Variants in PARD3B observed in about 807,000 individuals in gnomAD.
PARD3B encodes the protein par-3 family cell polarity regulator beta.
In PARD3B, 103 loss-of-function variants were observed where a neutral mutation model predicts 130.2. The observed-to-expected ratio is 0.79, with a 90% CI of 0.67 to 0.93. The LOEUF (loss-of-function observed/expected upper bound fraction) is 0.93. Ranked by LOEUF, PARD3B falls within the 40% of genes least tolerant of loss-of-function variation. PARD3B has a pLI of 0.00. For synonymous variants in PARD3B, 583 were observed against 553.2 expected, an observed-to-expected ratio of 1.05 and a Z score of -0.76; for missense variants, 1,609 against 1,499.2, an observed-to-expected ratio of 1.07 and a Z score of -1.21.
chr2:205,527,777 T>C (rs2051403544), intron 21 of PARD3B, among the ~76,000 whole-genome samples: 1 of 152,180 alleles, frequency 6.6e-6, no homozygotes, highest in Non-Finnish European at 1.5e-5. Context: ...GGCAGCATTG[T>C]TTCTAGGTCT....
chr2:204,574,291 G>A (rs1420403991), intron 1 of PARD3B, among the ~76,000 whole-genome samples: 1 of 152,136 alleles, frequency 6.6e-6, no homozygotes, highest in Non-Finnish European at 1.5e-5. Flanking sequence ...AAGAAATTAT[G>A]ACAAAGTTTT....
At chr2:204,729,712 A>T (rs2039401206) in intron 2 of PARD3B, among the ~76,000 whole-genome samples, 1 of 152,098 alleles carries the variant, frequency 6.6e-6, no homozygotes, top group Non-Finnish European at 1.5e-5. Flanking sequence ...CTCATTTTTT[A>T]AATCATTAGA....
At chr2:205,171,304 G>A (rs1434768683) in intron 11 of PARD3B, among the ~76,000 whole-genome samples, 1 of 152,134 alleles carries the variant, frequency 6.6e-6, no homozygotes, top group East Asian at 1.9e-4. Context: ...CTTTGCTCCT[G>A]GGCTGCCTTT....
At chr2:205,169,052 T>C (rs2125739980) in intron 11 of PARD3B, among the ~76,000 whole-genome samples, 2 of 152,236 alleles carry the variant, frequency 1.3e-5, no homozygotes, top group South Asian at 4.2e-4. Context: ...ACGGAAGAGG[T>C]TGGATGAGAT....
intron 18 of PARD3B, among the ~76,000 whole-genome samples, chr2:205,308,604 C>A (rs548172085): frequency 5.6e-3 from 637 of 113,174 alleles, no homozygotes; most frequent in South Asian, 7.3e-3. Context: ...GACTCCGTCT[C>A]AAAAAAAAAA....
intron 4 of PARD3B, among the ~76,000 whole-genome samples, chr2:205,093,237 A>G (rs1387188598): frequency 6.6e-6 from 1 of 152,156 alleles, no homozygotes; most frequent in African/African-American, 2.4e-5. Context: ...CCCTTTAAGG[A>G]AAAGGAACAG....
chr2:204,585,104 AG>A (rs1480125115), intron 1 of PARD3B, among the ~76,000 whole-genome samples: 1 of 152,130 alleles, frequency 6.6e-6, no homozygotes, highest in Admixed American at 6.5e-5. Flanking sequence ...TGCCACCTGA[AG>A]TGCATGTGTT....
chr2:204,771,736 C>G (rs1335060504), intron 2 of PARD3B, among the ~76,000 whole-genome samples: 1 of 152,086 alleles, frequency 6.6e-6, no homozygotes, highest in Non-Finnish European at 1.5e-5. Flanking sequence ...TCTTTAAAAA[C>G]ACATCCATTC....
intron 18 of PARD3B, among the ~76,000 whole-genome samples, chr2:205,335,244 G>C (rs550772539): frequency 6.6e-6 from 1 of 152,274 alleles, no homozygotes; most frequent in African/African-American, 2.4e-5. Context: ...AAACAGTTAT[G>C]CCTGCCCCAT....
chr2:204,931,305 T>C (rs1326843774), intron 2 of PARD3B, among the ~76,000 whole-genome samples: 3 of 152,106 alleles, frequency 2.0e-5, no homozygotes, highest in Admixed American at 2.0e-4. Flanking sequence ...GGAATAATCA[T>C]AGCATGTACT....
rs909394406 is a variant in PARD3B at position 204,830,475 on chromosome 2, G to A, written c.223-134677G>A. 3.9e-5 allele frequency among the ~76,000 whole-genome samples: 6 copies of A among 152,314 alleles called. No individual in the cohort carries two copies. In the East Asian group the frequency reaches 1.2e-3, roughly 29 times the overall value. On this transcript the variant is annotated intron_variant, in intron 2 of 22. Coordinates refer to ENST00000406610, the MANE Select transcript of PARD3B (RefSeq NM_001302769.2). Reference sequence around the variant, plus strand: ...TTGATGTGATCTTACAATTGTAGGAGAGGAGAATTGAGGAAAATTAGCATA... The same window carrying A: ...TTGATGTGATCTTACAATTGTAGGAAAGGAGAATTGAGGAAAATTAGCATA...
At chr2:204,750,175 A>G (rs1223965906) in intron 2 of PARD3B, among the ~76,000 whole-genome samples, 2 of 152,206 alleles carry the variant, frequency 1.3e-5, no homozygotes, top group Non-Finnish European at 2.9e-5. Flanking sequence ...CTCAATAACT[A>G]AGGTTTCTGT....
At chr2:204,765,756 T>C (rs1313833371) in intron 2 of PARD3B, among the ~76,000 whole-genome samples, 1 of 152,074 alleles carries the variant, frequency 6.6e-6, no homozygotes, top group East Asian at 1.9e-4. Flanking sequence ...AAACTAATAA[T>C]GGAGGAAATG....
intron 2 of PARD3B, among the ~76,000 whole-genome samples, chr2:204,895,770 A>G (rs898319099): frequency 6.6e-6 from 1 of 152,154 alleles, no homozygotes; most frequent in African/African-American, 2.4e-5. Flanking sequence ...TTTCCTGAGA[A>G]CTTTTTGACT....
At chr2:205,304,022 T>G (rs994246926) in intron 18 of PARD3B, among the ~76,000 whole-genome samples, 6 of 152,242 alleles carry the variant, frequency 3.9e-5, no homozygotes, top group African/African-American at 9.6e-5. Context: ...AGGAGATACC[T>G]CATTTAAGAA....
chr2:205,145,823 C>CAAAAAA (rs58133781), intron 10 of PARD3B, among the ~76,000 whole-genome samples: 18 of 126,758 alleles, frequency 1.4e-4, no homozygotes, highest in African/African-American at 4.7e-4. Context: ...TCCAAGAAGT[C>CAAAAAA]AAAAAAAAAA....
chr2:204,745,218 C>T (rs1417265913), intron 2 of PARD3B, among the ~76,000 whole-genome samples: 1 of 152,034 alleles, frequency 6.6e-6, no homozygotes, highest in Middle Eastern at 3.2e-3. Context: ...CTGGCTTTTC[C>T]CGTGGTAGCA....
chr2:205,156,021 A>C (rs532328948), intron 10 of PARD3B, among the ~76,000 whole-genome samples: 109 of 152,256 alleles, frequency 7.2e-4, no homozygotes, highest in African/African-American at 2.6e-3. Flanking sequence ...CCAAATGTCC[A>C]ACAGTGATAG....
intron 1 of PARD3B, among the ~76,000 whole-genome samples, chr2:204,670,421 G>A (rs527961640): frequency 1.4e-3 from 211 of 152,222 alleles, no homozygotes; most frequent in African/African-American, 2.4e-3. Flanking sequence ...GCCCCCTGCC[G>A]CCCAAACCAC....
Sources: allele counts gnomAD v4.1 joint callset (sites outside exome capture counted in the v4.1 genomes callset), GRCh38; gene constraint gnomAD v4.1.1; transcripts MANE v1.5; gene names NCBI Gene and HGNC (gene_info 2026-07-23, HGNC 2026-07-21).